Variants in UBXN4 observed in about 807,000 individuals in gnomAD.
UBXN4 encodes the protein UBX domain-containing protein 4.
A neutral mutation model predicts 66.2 loss-of-function variants in UBXN4; 35 were observed. The ratio of observed to expected loss-of-function variants is 0.53; its 90% CI spans 0.40 to 0.70. The LOEUF is 0.70. Among genes scored for constraint, UBXN4 ranks in the 30% least tolerant of loss-of-function variants. UBXN4 has a pLI of 0.00. For synonymous variants in UBXN4, 203 were observed against 204.5 expected (o/e 0.99, Z 0.06); for missense variants, 533 against 599.8 (o/e 0.89, Z 1.16).
intron 2 of UBXN4, among the ~76,000 whole-genome samples, chr2:135,752,928 C>T (rs555915160): frequency 6.6e-6 from 1 of 151,858 alleles, no homozygotes; most frequent in Non-Finnish European, 1.5e-5. Context: ...ACCATGTTGG[C>T]CAGGCTGGTC....
intron 12 of UBXN4, among the ~76,000 whole-genome samples, chr2:135,782,046 G>C (rs147985178): frequency 6.6e-6 from 1 of 152,218 alleles, no homozygotes; most frequent in Non-Finnish European, 1.5e-5. Flanking sequence ...CTGCACTCTA[G>C]CCTGGGCAAC....
rs933284005 is a variant in UBXN4, at chr2:135,748,380, G to C, written c.185+11G>C. On this transcript the variant is annotated intron_variant, in intron 2 of 12. Transcript: ENST00000272638. ...AATCGATACCAAAAGGTTTGTTTATGTTTTAATATTTTATTAATTTTAAAA... is the reference window on the plus strand; with the variant it reads ...AATCGATACCAAAAGGTTTGTTTATCTTTTAATATTTTATTAATTTTAAAA... 32 of 1,539,986 alleles carry C rather than the reference G, an allele frequency of 2.1e-5. 1 individual carries two copies. The highest frequency in any genetic ancestry group is 2.7e-5 in the Non-Finnish European group (31 of 1,143,342).
At position 135,782,957 on chromosome 2, in the gene UBXN4, A is replaced by T; in HGVS notation, c.*70A>T. The T allele has an allele frequency of 1.3e-6, 2 of 1,509,486 alleles. No individual in the cohort carries two copies. Among genetic ancestry groups the T allele is most frequent in the Non-Finnish European group, 1.8e-6 (2 of 1,112,888 alleles). 93.5% of individuals were successfully genotyped at this position (1,509,486 alleles called of 1,614,324 possible). ...TTTAATTCAACTAAAATTCTACTGG[A>T]GAAGTGGGACTGCTTTATATTTTCC... On this transcript the variant is annotated 3_prime_UTR_variant, in exon 13 of 13. Coordinates refer to ENST00000272638, the MANE Select transcript of UBXN4 (RefSeq NM_014607.4).
intron 10 of UBXN4, among the ~76,000 whole-genome samples, chr2:135,778,141 C>T (rs1272704016): frequency 6.9e-6 from 1 of 145,346 alleles, no homozygotes; most frequent in Non-Finnish European, 1.5e-5. Flanking sequence ...CGCGCCACTG[C>T]ACTCCAGCCT....
At chr2:135,756,940 C>T (rs947290541) in intron 5 of UBXN4, among the ~76,000 whole-genome samples, 7 of 152,172 alleles carry the variant, frequency 4.6e-5, no homozygotes, top group Non-Finnish European at 7.4e-5. Context: ...ATTGTTCCCC[C>T]CTGTAAGGAG....
chr2:135,767,043 A>G (rs2077352442), intron 6 of UBXN4, among the ~76,000 whole-genome samples: 1 of 151,836 alleles, frequency 6.6e-6, no homozygotes, highest in African/African-American at 2.4e-5. Flanking sequence ...ATTGGACACC[A>G]GCACCCAGAT....
chr2:135,761,231 T>C (rs2077313731), intron 5 of UBXN4, among the ~76,000 whole-genome samples: 1 of 152,144 alleles, frequency 6.6e-6, no homozygotes. Flanking sequence ...CAAAAGTCTA[T>C]CTTTCAGGAA....
chr2:135,753,646 TA>T, intron 3 of UBXN4, 79 bp downstream of exon 3: 7 of 1,177,716 alleles, frequency 5.9e-6, no homozygotes, highest in Non-Finnish European at 6.9e-6. Flanking sequence ...ATTTAGAAAT[TA>T]TTCATTTTTA....
intron 9 of UBXN4, among the ~76,000 whole-genome samples, chr2:135,775,214 A>G (rs2077406403): frequency 6.6e-6 from 1 of 152,244 alleles, no homozygotes. Flanking sequence ...AAAATGATGT[A>G]GCCACCTTGG....
chr2:135,743,633 A>G (rs1162755820), intron 1 of UBXN4, among the ~76,000 whole-genome samples: 2 of 152,210 alleles, frequency 1.3e-5, no homozygotes, highest in Non-Finnish European at 2.9e-5. Flanking sequence ...AAACTGAACA[A>G]TTTGTAAATT....
intron 9 of UBXN4, among the ~76,000 whole-genome samples, chr2:135,773,898 G>A (rs964893274): frequency 3.3e-5 from 5 of 152,324 alleles, no homozygotes; most frequent in African/African-American, 1.2e-4. Flanking sequence ...TACCTGGAAA[G>A]TATCCTATGT....
chr2:135,745,495 G>C (rs1182213437), intron 1 of UBXN4, among the ~76,000 whole-genome samples: 2 of 152,104 alleles, frequency 1.3e-5, no homozygotes, highest in African/African-American at 4.8e-5. Flanking sequence ...TATACCATTA[G>C]ATTTTAAGCT....
At chr2:135,754,750 A>G (rs1283238432) in intron 4 of UBXN4, among the ~76,000 whole-genome samples, 1 of 152,150 alleles carries the variant, frequency 6.6e-6, no homozygotes. Context: ...AGGTGCCAGT[A>G]GCCAGTACCT....
At chr2:135,752,647 G>A (rs948688770) in intron 2 of UBXN4, among the ~76,000 whole-genome samples, 5 of 152,190 alleles carry the variant, frequency 3.3e-5, no homozygotes, top group African/African-American at 7.2e-5. Flanking sequence ...GTCTGCTGAG[G>A]AAGCAGCATG....
Position 135,741,873 on chromosome 2 carries a change from C to T in UBXN4, c.-57C>T. On this transcript the variant is annotated 5_prime_UTR_variant, in exon 1 of 13. Coordinates refer to ENST00000272638, the MANE Select transcript of UBXN4 (RefSeq NM_014607.4). ...GCCGGACGAAGACGGAGGGCGGAGC[C>T]GGCTTCGGGACTGCGGAGACTACAC... 2.6e-6 allele frequency: 4 copies of T among 1,552,026 alleles called. No individual in the cohort carries two copies. In the South Asian group the frequency reaches 4.7e-5, roughly 18 times the overall value.
At chr2:135,742,146 C>T (rs1434889319) in intron 1 of UBXN4, 135 bp downstream of exon 1, 2 of 1,047,866 alleles carry the variant, frequency 1.9e-6, no homozygotes, top group East Asian at 2.8e-5. Context: ...CCACTACTAC[C>T]CCGCGCCCCA....
In UBXN4 at chr2:135,759,745, G is replaced by A. The variant is rs184578227; in HGVS notation, c.509-2073G>A. 4.7e-5 allele frequency among the ~76,000 whole-genome samples: 7 copies of A among 148,278 alleles called. No individual in the cohort carries two copies. The East Asian group carries it at 1.4e-3, about 29-fold the overall frequency. On this transcript the variant is annotated intron_variant, in intron 5 of 12. Coordinates refer to ENST00000272638, the MANE Select transcript of UBXN4 (RefSeq NM_014607.4). The stretch of plus-strand genomic sequence containing the variant: ...TTTTTATCAGTTGTTTTAGCTTATT[G>A]AGGTGTTTTTTCAATCCAGAATTTT...
intron 9 of UBXN4, 43 bp from the exon 10 acceptor site, chr2:135,776,206 A>G (rs1228553531): frequency 6.7e-7 from 1 of 1,482,550 alleles, no homozygotes; most frequent in Admixed American, 1.7e-5. Flanking sequence ...GTTAGAGAAT[A>G]TATAGAGGTG....
At chr2:135,780,687 T>C (rs1575325407) in intron 12 of UBXN4, among the ~76,000 whole-genome samples, 1 of 152,256 alleles carries the variant, frequency 6.6e-6, no homozygotes, top group Admixed American at 6.5e-5. Context: ...TTTTTTTTTC[T>C]AGTAACCTCT....
Sources: gnomAD v4.1 joint callset for allele counts (sites outside exome capture counted in the v4.1 genomes callset) on GRCh38, gnomAD v4.1.1 for gene constraint, MANE v1.5 for transcripts, NCBI Gene and HGNC (gene_info 2026-07-23, HGNC 2026-07-21) for gene names.